Variants in NUDCD3 observed in about 807,000 individuals in gnomAD.
The protein encoded by NUDCD3 is nudC domain-containing protein 3.
A neutral mutation model predicts 39.7 loss-of-function variants in NUDCD3; 13 were observed. That is an observed-to-expected ratio of 0.33 (90% CI 0.21 to 0.52). The LOEUF is 0.52. NUDCD3 is among the 20% of genes least tolerant of loss of function. The pLI, the probability that NUDCD3 is intolerant of heterozygous loss-of-function variation, is 0.96. For synonymous variants in NUDCD3, 175 were observed against 172.4 expected (o/e 1.02, Z -0.12); for missense variants, 453 against 458.1 (o/e 0.99, Z 0.10).
intron 4 of NUDCD3, among the ~76,000 whole-genome samples, chr7:44,392,859 C>G (rs534134938): frequency 2.0e-5 from 3 of 152,054 alleles, no homozygotes; most frequent in Non-Finnish European, 4.4e-5. Flanking sequence ...GACACCCCCC[C>G]ACACCAGGAC....
At chr7:44,478,783 G>A (rs1397951388) in intron 2 of NUDCD3, among the ~76,000 whole-genome samples, 2 of 152,120 alleles carry the variant, frequency 1.3e-5, no homozygotes, top group African/African-American at 2.4e-5. Flanking sequence ...ACATTATTAT[G>A]TATAAATAAC....
intron 4 of NUDCD3, among the ~76,000 whole-genome samples, chr7:44,399,983 G>A (rs1225607965): frequency 1.3e-5 from 2 of 152,128 alleles, no homozygotes; most frequent in East Asian, 1.9e-4. Context: ...TATATGGAAC[G>A]GCATTCACCT....
chr7:44,400,096 C>T (rs562420114), intron 4 of NUDCD3, among the ~76,000 whole-genome samples: 23 of 152,222 alleles, frequency 1.5e-4, no homozygotes, highest in South Asian at 4.1e-4. Flanking sequence ...TCAGCTCCCC[C>T]GACTGCAGGA....
chr7:44,416,278 G>A (rs1183285369), intron 3 of NUDCD3, among the ~76,000 whole-genome samples: 1 of 151,826 alleles, frequency 6.6e-6, no homozygotes, highest in African/African-American at 2.4e-5. Context: ...TTGTAGAGAT[G>A]GGCTTTCACC....
intron 2 of NUDCD3, among the ~76,000 whole-genome samples, chr7:44,437,022 T>A (rs1309217467): frequency 6.7e-6 from 1 of 148,650 alleles, no homozygotes; most frequent in Non-Finnish European, 1.5e-5. Context: ...CTCTCATAAT[T>A]TTTTTTTTTA....
At chr7:44,442,792 T>C (rs1021483685) in intron 2 of NUDCD3, among the ~76,000 whole-genome samples, 7 of 148,490 alleles carry the variant, frequency 4.7e-5, no homozygotes, top group Admixed American at 4.1e-4. Flanking sequence ...GCCTCCCGGG[T>C]TCACGCCATT....
chr7:44,437,832 C>T (rs143208176), intron 2 of NUDCD3, among the ~76,000 whole-genome samples: 110 of 152,232 alleles, frequency 7.2e-4, no homozygotes, highest in African/African-American at 2.5e-3. Flanking sequence ...TTAGGGAATA[C>T]TTTTGACAAT....
Position 44,386,044 on chromosome 7 carries a change from C to A in NUDCD3, c.1053G>T (p.Met351Ile), listed in dbSNP as rs772118837. 6.2e-7 allele frequency: 1 copy of A among 1,602,480 alleles called. No homozygotes were observed. The highest frequency in any genetic ancestry group is 1.1e-5 in the South Asian group (1 of 90,880). ...PFRGQRFDPA[M>I]FNISPGAVQF is the part of the protein sequence containing the mutation. ...GCACAGCCCCCGGGGAGATGTTGAA[C>A]ATGGCAGGGTCGAATCGCTGGCCTC... The change falls in exon 6 of 6, where the codon ATG becomes ATT. Residue 351 changes from methionine to isoleucine, a missense_variant. By Grantham distance (10) the Met-to-Ile change is conservative. Coordinates refer to ENST00000355451, the MANE Select transcript of NUDCD3 (RefSeq NM_015332.4).
chr7:44,383,232 G>C lies in NUDCD3; in HGVS notation c.*2779C>G, dbSNP rs1326306302. 1.3e-5 allele frequency: 2 copies of C among 152,288 alleles called. No individual in the cohort carries two copies. The highest frequency in any genetic ancestry group is 1.9e-4 in the East Asian group (1 of 5,198). 9.4% of individuals were successfully genotyped at this position (152,288 alleles called of 1,614,324 possible). A position where few individuals can be genotyped will look rare whatever the true frequency, so the allele number is the denominator to read the frequency against. On this transcript the variant is annotated 3_prime_UTR_variant, in exon 6 of 6. Coordinates refer to ENST00000355451, the MANE Select transcript of NUDCD3 (RefSeq NM_015332.4). ...AGTTAACAGCAGGTATGCACCTGGAGACCAAGGAGGGCCTTGGAGCCTGGT... is the reference window on the plus strand; with the variant it reads ...AGTTAACAGCAGGTATGCACCTGGACACCAAGGAGGGCCTTGGAGCCTGGT...
At chr7:44,459,565 T>C (rs1317604835) in intron 2 of NUDCD3, among the ~76,000 whole-genome samples, 2 of 152,158 alleles carry the variant, frequency 1.3e-5, no homozygotes, top group Non-Finnish European at 2.9e-5. Context: ...CAGAAGAAAA[T>C]TGAACAAGGT....
At chr7:44,471,490 C>T (rs571155793) in intron 2 of NUDCD3, among the ~76,000 whole-genome samples, 6 of 152,316 alleles carry the variant, frequency 3.9e-5, no homozygotes, top group Non-Finnish European at 5.9e-5. Context: ...GTCAGTCCCA[C>T]TCCCCTCCTC....
intron 5 of NUDCD3, among the ~76,000 whole-genome samples, chr7:44,387,799 G>A (rs1273112402): frequency 6.6e-6 from 1 of 152,224 alleles, no homozygotes; most frequent in Non-Finnish European, 1.5e-5. Flanking sequence ...TGAGGCAAAA[G>A]TGGAGAGCAG....
chr7:44,397,546 C>T (rs1210412167), intron 4 of NUDCD3, among the ~76,000 whole-genome samples: 1 of 152,176 alleles, frequency 6.6e-6, no homozygotes, highest in Non-Finnish European at 1.5e-5. Flanking sequence ...TTTTGCCTTG[C>T]ATTCCCCTAA....
intron 5 of NUDCD3, among the ~76,000 whole-genome samples, chr7:44,387,917 G>A (rs1489651415): frequency 6.6e-6 from 1 of 152,158 alleles, no homozygotes; most frequent in Non-Finnish European, 1.5e-5. Flanking sequence ...CCAGGCTGAA[G>A]AGATCCTAGA....
In NUDCD3 at chr7:44,458,936, CTGTGTGTGTG is replaced by C. The variant is rs55947411; in HGVS notation, c.509+26022_509+26031del. On this transcript the variant is annotated intron_variant, in intron 2 of 5. Coordinates refer to ENST00000355451, the MANE Select transcript of NUDCD3 (RefSeq NM_015332.4). ...TGGCTGCAGGATTAGACGGGGAGTG[CTGTGTGTGTG>C]TGTGTGTGTGTGTGTGTGTGTGTGT... 8.0e-3 allele frequency among the ~76,000 whole-genome samples: 934 copies of C among 116,112 alleles called. 3 individuals are homozygous for C. Among genetic ancestry groups the C allele is most frequent in the African/African-American group, 0.017 (509 of 30,034 alleles). 76.2% of individuals were successfully genotyped at this position (116,112 alleles called of 152,430 possible).
At chr7:44,448,831 G>A (rs1254630153) in intron 2 of NUDCD3, among the ~76,000 whole-genome samples, 1 of 152,184 alleles carries the variant, frequency 6.6e-6, no homozygotes, top group Non-Finnish European at 1.5e-5. Flanking sequence ...CTAAGGATGT[G>A]CTCATTTTGT....
chr7:44,465,869 T>C (rs1429566357), intron 2 of NUDCD3, among the ~76,000 whole-genome samples: 1 of 152,152 alleles, frequency 6.6e-6, no homozygotes, highest in Non-Finnish European at 1.5e-5. Flanking sequence ...AGAAAAACTT[T>C]TACGGAAAAA....
intron 2 of NUDCD3, among the ~76,000 whole-genome samples, chr7:44,444,937 C>A (rs1229175635): frequency 6.6e-6 from 1 of 152,208 alleles, no homozygotes; most frequent in Admixed American, 6.5e-5. Flanking sequence ...ACTGTGAAAT[C>A]TCTGCCAATC....
chr7:44,457,819 A>G (rs1799933920), intron 2 of NUDCD3, among the ~76,000 whole-genome samples: 1 of 152,242 alleles, frequency 6.6e-6, no homozygotes, highest in Admixed American at 6.5e-5. Flanking sequence ...TAGAATAGCC[A>G]CAATCAAAAA....
Sources: gnomAD v4.1 joint callset for allele counts (sites outside exome capture counted in the v4.1 genomes callset) on GRCh38, gnomAD v4.1.1 for gene constraint, MANE v1.5 for transcripts, NCBI Gene and HGNC (gene_info 2026-07-23, HGNC 2026-07-21) for gene names.